The following ARID4B variants were observed in gnomAD, a reference collection of about 807,000 sequenced individuals.
ARID4B encodes AT-rich interactive domain-containing protein 4B.
Under a neutral mutation model 147.5 loss-of-function variants are expected in ARID4B, and 26 were observed. The ratio of observed to expected loss-of-function variants is 0.18; its 90% CI spans 0.13 to 0.24. ARID4B has a LOEUF of 0.24. ARID4B is among the 10% of genes least tolerant of loss of function. The probability of loss-of-function intolerance (pLI) is 1.00; values close to 1 mark genes in which losing one functional copy is unlikely to be tolerated. For missense variants in ARID4B, 1,179 were observed against 1,511.5 expected (o/e 0.78, Z 3.65); for synonymous variants, 512 against 507.9 (o/e 1.01, Z -0.11).
chr1:235,251,640 TAAGTAATATTA>T (rs60353104), intron 6 of ARID4B, among the ~76,000 whole-genome samples: 44,351 of 150,944 alleles, frequency 0.29, 7,617 homozygotes, highest in South Asian at 0.53. Context: ...CACTACTAAA[TAAGTAATATTA>T]AAGTAATATT....
At chr1:235,186,569 A>C (rs2102937378) in intron 19 of ARID4B, among the ~76,000 whole-genome samples, 1 of 151,446 alleles carries the variant, frequency 6.6e-6, no homozygotes, top group South Asian at 2.1e-4. Flanking sequence ...CGCCAAGCTA[A>C]TTTTTGTATT....
intron 19 of ARID4B, among the ~76,000 whole-genome samples, chr1:235,190,628 G>A (rs546126379): frequency 6.6e-6 from 1 of 152,220 alleles, no homozygotes; most frequent in African/African-American, 2.4e-5. Context: ...TTCCAATCCA[G>A]CCAAACTATG....
chr1:235,222,003 G>A (rs541109203), intron 13 of ARID4B, among the ~76,000 whole-genome samples: 12 of 142,182 alleles, frequency 8.4e-5, no homozygotes, highest in South Asian at 2.2e-4. Flanking sequence ...CTGAACTTCC[G>A]GGCTCAAGGG....
At chr1:235,236,086 C>A (rs974676043) in intron 8 of ARID4B, among the ~76,000 whole-genome samples, 15 of 151,902 alleles carry the variant, frequency 9.9e-5, no homozygotes, top group African/African-American at 3.6e-4. Flanking sequence ...GCCACCCAGA[C>A]CCAGTTAACT....
At chr1:235,226,448 C>T (rs1419608911) in intron 11 of ARID4B, among the ~76,000 whole-genome samples, 1 of 150,400 alleles carries the variant, frequency 6.6e-6, no homozygotes, top group East Asian at 1.9e-4. Flanking sequence ...GCAACCTCCG[C>T]TTCCTGGGTT....
At chr1:235,273,226 T>C (rs1409082088) in intron 2 of ARID4B, among the ~76,000 whole-genome samples, 1 of 152,126 alleles carries the variant, frequency 6.6e-6, no homozygotes, top group Non-Finnish European at 1.5e-5. Context: ...TGTATTTTTA[T>C]AGAGACGAGT....
At chr1:235,221,786 A>G in intron 13 of ARID4B, 124 bp from the exon 14 acceptor site, 1 of 417,462 alleles carries the variant, frequency 2.4e-6, no homozygotes, top group Non-Finnish European at 4.2e-6. Context: ...AAGAATTTTT[A>G]AAAACTTGAT....
At chr1:235,205,094 T>G (rs184195065) in intron 17 of ARID4B, among the ~76,000 whole-genome samples, 71 of 152,302 alleles carry the variant, frequency 4.7e-4, no homozygotes, top group African/African-American at 1.6e-3. Context: ...CCAGGGTACC[T>G]TGCTTTCTAT....
intron 17 of ARID4B, among the ~76,000 whole-genome samples, chr1:235,204,660 C>T (rs1213086488): frequency 1.3e-5 from 2 of 152,132 alleles, no homozygotes; most frequent in Non-Finnish European, 2.9e-5. Context: ...AAGACAACTG[C>T]AAATGGTTAA....
At chr1:235,312,814 AT>A (rs1414845724) in intron 2 of ARID4B, among the ~76,000 whole-genome samples, 3 of 152,200 alleles carry the variant, frequency 2.0e-5, no homozygotes, top group South Asian at 4.2e-4. Context: ...CTCTACTAAA[AT>A]ACAAAAAATT....
intron 2 of ARID4B, among the ~76,000 whole-genome samples, chr1:235,270,424 G>GT (rs1169269293): frequency 6.6e-6 from 1 of 151,850 alleles, no homozygotes; most frequent in Non-Finnish European, 1.5e-5. Context: ...GCCCCACTGT[G>GT]TATCTTCTTA....
At chr1:235,218,589 AG>A (rs533242876) in intron 16 of ARID4B, among the ~76,000 whole-genome samples, 127 of 152,280 alleles carry the variant, frequency 8.3e-4, no homozygotes, top group African/African-American at 2.9e-3. Context: ...TTCTAAACCC[AG>A]GATGTTTTTC....
At chr1:235,326,324 A>G (rs984421228) in intron 2 of ARID4B, among the ~76,000 whole-genome samples, 1 of 152,198 alleles carries the variant, frequency 6.6e-6, no homozygotes, top group Non-Finnish European at 1.5e-5. Context: ...ACACATCATA[A>G]TGCAACAGAG....
intron 17 of ARID4B, among the ~76,000 whole-genome samples, chr1:235,212,861 A>G (rs1218261578): frequency 6.6e-6 from 1 of 152,178 alleles, no homozygotes; most frequent in Non-Finnish European, 1.5e-5. Flanking sequence ...ACCACAGAAT[A>G]TAATTTAAGT....
chr1:235,184,840 G>A (rs1261953769), intron 19 of ARID4B, among the ~76,000 whole-genome samples: 1 of 151,888 alleles, frequency 6.6e-6, no homozygotes, highest in African/African-American at 2.4e-5. Flanking sequence ...TGTGTGTGAC[G>A]GAATCTCACT....
chr1:235,289,043 T>C (rs1216957861), intron 2 of ARID4B, among the ~76,000 whole-genome samples: 1 of 152,216 alleles, frequency 6.6e-6, no homozygotes, highest in Non-Finnish European at 1.5e-5. Flanking sequence ...CACACAACCC[T>C]GGCCCCAGGA....
chr1:235,246,559 G>T, intron 6 of ARID4B, 48 bp from the exon 7 acceptor site: 1 of 1,338,588 alleles, frequency 7.5e-7, no homozygotes, highest in Non-Finnish European at 1.1e-6. Flanking sequence ...CTTTGCAAGT[G>T]CCTTCTTTGT....
chr1:235,238,352 A>T (rs1192292799), intron 8 of ARID4B, among the ~76,000 whole-genome samples: 2 of 152,334 alleles, frequency 1.3e-5, no homozygotes, highest in East Asian at 3.9e-4. Flanking sequence ...GGAAAAAAGC[A>T]TTAGAGGAGA....
chr1:235,288,871 G>A (rs1430298258), intron 2 of ARID4B, among the ~76,000 whole-genome samples: 1 of 152,214 alleles, frequency 6.6e-6, no homozygotes, highest in African/African-American at 2.4e-5. Flanking sequence ...TTACAGTTAA[G>A]TGTTCTATTT....
Sources: gnomAD v4.1 joint callset for allele counts (sites outside exome capture counted in the v4.1 genomes callset) on GRCh38, gnomAD v4.1.1 for gene constraint, MANE v1.5 for transcripts, NCBI Gene and HGNC (gene_info 2026-07-23, HGNC 2026-07-21) for gene names.